Variants in BTG4 observed in about 807,000 individuals in gnomAD.
The protein encoded by BTG4 is protein BTG4.
Under a neutral mutation model 19.3 loss-of-function variants are expected in BTG4, and 10 were observed. The observed-to-expected ratio is 0.52, with a 90% CI of 0.32 to 0.88. BTG4 has a LOEUF of 0.88. Among genes scored for constraint, BTG4 ranks in the 40% least tolerant of loss-of-function variants. The pLI is 0.04. For missense variants in BTG4, 238 were observed against 281.9 expected, an observed-to-expected ratio of 0.84 and a Z score of 1.11; for synonymous variants, 91 against 95.7, an observed-to-expected ratio of 0.95 and a Z score of 0.29.
chr11:111,398,087 AC>A, the BTG4 span: 2 of 152,212 alleles, frequency 1.3e-5, no homozygotes, highest in Non-Finnish European at 2.9e-5. Context: ...GACCACCATC[AC>A]CACTACTAAT....
chr11:111,392,173 T>C, the BTG4 span, among the ~76,000 whole-genome samples: 1 of 111,382 alleles, frequency 9.0e-6, no homozygotes, highest in African/African-American at 3.5e-5. Flanking sequence ...GATTTTCTTT[T>C]TTTTTTTTTT....
At chr11:111,443,206 T>C in the BTG4 span, among the ~76,000 whole-genome samples, 230 of 152,306 alleles carry the variant, frequency 1.5e-3, no homozygotes, top group African/African-American at 5.3e-3. Flanking sequence ...CTACAAAATA[T>C]CTGACCAACA....
At chr11:111,457,567 A>C in the BTG4 span, among the ~76,000 whole-genome samples, 2 of 151,054 alleles carry the variant, frequency 1.3e-5, no homozygotes, top group African/African-American at 2.4e-5. Context: ...CTTACCCCCA[A>C]CCTTCCCTCT....
chr11:111,397,571 A>G, the BTG4 span: 1 of 152,224 alleles, frequency 6.6e-6, no homozygotes, highest in African/African-American at 2.4e-5. Context: ...CAGATTAAAC[A>G]TCACTTACCC....
intron 1 of BTG4, among the ~76,000 whole-genome samples, chr11:111,502,285 T>C (rs1397058346): frequency 2.0e-5 from 3 of 152,140 alleles, no homozygotes; most frequent in African/African-American, 7.2e-5. Flanking sequence ...ACATTCTGAC[T>C]TAATTGGTAT....
intron 5 of BTG4, chr11:111,469,144 T>G (rs1004576015): frequency 3.3e-5 from 5 of 152,212 alleles, no homozygotes; most frequent in African/African-American, 1.2e-4. Context: ...AAACGGGCGG[T>G]GGGAATGTTC....
the BTG4 span, among the ~76,000 whole-genome samples, chr11:111,403,477 A>T: frequency 1.3e-5 from 2 of 152,244 alleles, no homozygotes; most frequent in Non-Finnish European, 2.9e-5. Context: ...CCAGTGAAGC[A>T]GTTTATTTCT....
At chr11:111,501,203 CA>C (rs1333020201) in intron 1 of BTG4, among the ~76,000 whole-genome samples, 1 of 151,924 alleles carries the variant, frequency 6.6e-6, no homozygotes, top group African/African-American at 2.4e-5. Context: ...CCTGTCTCTA[CA>C]AAAATTTTAA....
chr11:111,511,926 T>C (rs868616840), intron 1 of BTG4, among the ~76,000 whole-genome samples: 1 of 152,192 alleles, frequency 6.6e-6, no homozygotes, highest in Admixed American at 6.5e-5. Flanking sequence ...TAATTTATTA[T>C]ATATATACTG....
the BTG4 span, among the ~76,000 whole-genome samples, chr11:111,423,341 T>C: frequency 7.9e-5 from 12 of 152,206 alleles, no homozygotes; most frequent in Non-Finnish European, 2.9e-5. Flanking sequence ...ATCTGGAAGA[T>C]CCTAAGAATC....
In BTG4 at chr11:111,497,563, A is replaced by G. The variant is rs540985178; in HGVS notation, c.312-154T>C. 3.9e-5 allele frequency among the ~76,000 whole-genome samples: 6 copies of G among 152,356 alleles called. No individual in the cohort carries two copies. The South Asian group carries it at 1.2e-3, about 32-fold the overall frequency. ...ACCTTCACCTACTACACTGTTATAA[A>G]TTAGGATATTCTATAAGAGCTATTT... On this transcript the variant is annotated intron_variant, in intron 3 of 4. Transcript: ENST00000692032.
At chr11:111,448,859 T>C in the BTG4 span, among the ~76,000 whole-genome samples, 1 of 149,416 alleles carries the variant, frequency 6.7e-6, no homozygotes, top group Non-Finnish European at 1.5e-5. Flanking sequence ...CAAACTTTTT[T>C]TTAGTCTTGC....
At chr11:111,495,491 T>A (rs954708628) in intron 4 of BTG4, among the ~76,000 whole-genome samples, 177 bp from the exon 5 acceptor site, 11 of 152,220 alleles carry the variant, frequency 7.2e-5, no homozygotes, top group African/African-American at 2.7e-4. Flanking sequence ...AATCACTTTA[T>A]ACTGTACCTT....
intron 1 of BTG4, among the ~76,000 whole-genome samples, chr11:111,507,043 AT>A (rs1866503806): frequency 6.6e-6 from 1 of 152,056 alleles, no homozygotes; most frequent in Non-Finnish European, 1.5e-5. Flanking sequence ...GATTATGTAA[AT>A]TTTTTAACTA....
chr11:111,461,696 A>C, the BTG4 span, among the ~76,000 whole-genome samples: 2 of 152,212 alleles, frequency 1.3e-5, no homozygotes, highest in Non-Finnish European at 2.9e-5. Context: ...CCTCAGCAAC[A>C]ACATGAGACT....
chr11:111,479,867 A>T (rs1204216224), intron 5 of BTG4, among the ~76,000 whole-genome samples: 1 of 152,172 alleles, frequency 6.6e-6, no homozygotes. Flanking sequence ...GCTCAAAAAC[A>T]CTAAAGATAT....
chr11:111,503,215 A>C (rs1158913951), intron 1 of BTG4, among the ~76,000 whole-genome samples: 1 of 152,224 alleles, frequency 6.6e-6, no homozygotes, highest in Non-Finnish European at 1.5e-5. Context: ...ACTTGTAACC[A>C]ACAGATTAAT....
chr11:111,429,579 T>C, the BTG4 span, among the ~76,000 whole-genome samples: 1 of 152,214 alleles, frequency 6.6e-6, no homozygotes, highest in African/African-American at 2.4e-5. Flanking sequence ...GTTGAGCAGA[T>C]CTAAAACTAA....
At chr11:111,391,102 G>A in the BTG4 span, among the ~76,000 whole-genome samples, 1 of 152,170 alleles carries the variant, frequency 6.6e-6, no homozygotes, top group Non-Finnish European at 1.5e-5. Flanking sequence ...ATTGATAACA[G>A]TTCCTTTACT....
Sources: gnomAD v4.1 joint callset for allele counts (sites outside exome capture counted in the v4.1 genomes callset) on GRCh38, gnomAD v4.1.1 for gene constraint, MANE v1.5 for transcripts, NCBI Gene and HGNC (gene_info 2026-07-23, HGNC 2026-07-21) for gene names.